Variants in DGKB observed in about 807,000 individuals in gnomAD.
DGKB encodes the protein diacylglycerol kinase beta.
A neutral mutation model predicts 114.3 loss-of-function variants in DGKB; 67 were observed. That is an observed-to-expected ratio of 0.59 (90% CI 0.48 to 0.72). The LOEUF (loss-of-function observed/expected upper bound fraction) is 0.72. Among genes scored for constraint, DGKB ranks in the 30% least tolerant of loss-of-function variants. DGKB has a pLI of 0.00. For synonymous variants in DGKB, 398 were observed against 323.1 expected (o/e 1.23, Z -2.49); for missense variants, 907 against 975.2 (o/e 0.93, Z 0.93).
intron 25 of DGKB, among the ~76,000 whole-genome samples, chr7:14,171,182 T>C (rs1451278141): frequency 1.3e-5 from 2 of 152,124 alleles, no homozygotes; most frequent in Non-Finnish European, 2.9e-5. Context: ...CCAGGGAAGG[T>C]ACAGAAAAAA....
intron 21 of DGKB, among the ~76,000 whole-genome samples, chr7:14,365,996 A>G (rs1411323360): frequency 6.6e-6 from 1 of 152,080 alleles, no homozygotes; most frequent in Non-Finnish European, 1.5e-5. Flanking sequence ...CTAAAATTTC[A>G]GGAGTTTTAC....
chr7:14,761,546 G>A (rs551795310), intron 2 of DGKB, among the ~76,000 whole-genome samples: 4 of 152,290 alleles, frequency 2.6e-5, no homozygotes, highest in African/African-American at 9.6e-5. Context: ...CTGGGGCAGT[G>A]GAGAGGGGAA....
At chr7:14,878,436 A>G (rs541632692) in intron 1 of DGKB, among the ~76,000 whole-genome samples, 2 of 152,264 alleles carry the variant, frequency 1.3e-5, no homozygotes, top group Non-Finnish European at 2.9e-5. Flanking sequence ...CTATAATTTT[A>G]TTTGGGTATT....
At chr7:14,726,003 T>C (rs1829971194) in intron 5 of DGKB, among the ~76,000 whole-genome samples, 1 of 152,202 alleles carries the variant, frequency 6.6e-6, no homozygotes, top group Non-Finnish European at 1.5e-5. Context: ...TTTTCTTCAG[T>C]CTCACAATAG....
intron 2 of DGKB, among the ~76,000 whole-genome samples, chr7:14,799,534 T>G (rs187992490): frequency 6.6e-6 from 1 of 152,334 alleles, no homozygotes; most frequent in Admixed American, 6.5e-5. Context: ...AATGGGATTT[T>G]TAGAGCTCCA....
intron 21 of DGKB, among the ~76,000 whole-genome samples, chr7:14,447,439 C>T (rs1026788096): frequency 6.6e-6 from 1 of 152,018 alleles, no homozygotes; most frequent in Non-Finnish European, 1.5e-5. Context: ...GAATAGGGTA[C>T]ATTAATTTAT....
intron 1 of DGKB, among the ~76,000 whole-genome samples, chr7:14,948,390 A>G (rs983328001): frequency 6.6e-6 from 1 of 151,798 alleles, no homozygotes; most frequent in Non-Finnish European, 1.5e-5. Context: ...AGTGTCATGC[A>G]CTACTGGTTT....
In DGKB at chr7:14,798,211, G is replaced by C. The variant is rs375561403; in HGVS notation, c.71-40480C>G. Among the ~76,000 whole-genome samples the C allele has an allele frequency of 2.4e-4, 37 of 152,330 alleles. No individual in the cohort carries two copies. The East Asian group carries it at 4.6e-3, about 19-fold the overall frequency. ...TCTTGGACTCTATCCGGAACTGTCA[G>C]TTGTGTTTTCAGGATTTAAACTGTC... On this transcript the variant is annotated intron_variant, in intron 2 of 25. Transcript: ENST00000402815.
chr7:14,471,099 A>C (rs1781220464), intron 21 of DGKB, among the ~76,000 whole-genome samples: 1 of 150,460 alleles, frequency 6.6e-6, no homozygotes, highest in Non-Finnish European at 1.5e-5. Flanking sequence ...CTTTGTCTCT[A>C]TAGCAAAATA....
At chr7:14,154,312 T>C (rs919034220) in intron 25 of DGKB, among the ~76,000 whole-genome samples, 2 of 151,612 alleles carry the variant, frequency 1.3e-5, no homozygotes, top group Non-Finnish European at 2.9e-5. Context: ...CAGTTGACAA[T>C]ATTTTTATAG....
At chr7:14,441,172 C>A (rs1398701160) in intron 21 of DGKB, among the ~76,000 whole-genome samples, 4 of 151,996 alleles carry the variant, frequency 2.6e-5, no homozygotes, top group Admixed American at 2.0e-4. Context: ...ACACACCCAG[C>A]TAATTTTTTG....
chr7:14,882,703 T>C (rs978636682), intron 1 of DGKB, among the ~76,000 whole-genome samples: 3 of 152,008 alleles, frequency 2.0e-5, no homozygotes, highest in East Asian at 3.9e-4. Flanking sequence ...TTCCTTTCCA[T>C]GTCTGGCTTG....
intron 2 of DGKB, among the ~76,000 whole-genome samples, chr7:14,768,939 A>G (rs1484070835): frequency 6.6e-6 from 1 of 151,978 alleles, no homozygotes; most frequent in African/African-American, 2.4e-5. Context: ...ATTAAAAAAT[A>G]CCTGTTCAAA....
Position 14,718,620 on chromosome 7 carries a change from G to C in DGKB, c.388C>G (p.Pro130Ala). ...ATGTCCTTCAGATGGATTACTTCTG[G>C]GGAACACGTATTTGCAGGAGAAGTA... ...RTTSPANTCS[P>A]EVIHLKDIVC... Residue 130 changes from proline (P) to alanine (A), a missense_variant, in exon 6 of 26, where the codon CCA (proline) becomes GCA (alanine). By Grantham distance (27) the Pro-to-Ala change is conservative. Transcript: ENST00000402815. 1 of 1,611,586 alleles carries C rather than the reference G, an allele frequency of 6.2e-7. No homozygotes were observed. Among genetic ancestry groups the C allele is most frequent in the Non-Finnish European group, 8.5e-7 (1 of 1,178,056 alleles).
intron 21 of DGKB, among the ~76,000 whole-genome samples, chr7:14,432,927 C>A (rs1828687376): frequency 1.3e-5 from 2 of 152,030 alleles, no homozygotes; most frequent in Non-Finnish European, 2.9e-5. Context: ...GCCTAGAAAC[C>A]TAGGGAAGAA....
chr7:14,904,840 G>C (rs1004425170), upstream of DGKB, among the ~76,000 whole-genome samples: 2 of 151,992 alleles, frequency 1.3e-5, no homozygotes, highest in African/African-American at 4.8e-5. Context: ...TTTTATACTT[G>C]TGTACACTGC....
chr7:14,726,332 GT>G (rs1405177215), intron 5 of DGKB, among the ~76,000 whole-genome samples: 1 of 151,852 alleles, frequency 6.6e-6, no homozygotes, highest in South Asian at 2.1e-4. Context: ...TAGAGACGGG[GT>G]TTTTTTATGT....
chr7:14,577,499 A>C lies in DGKB; in HGVS notation c.1610-3127T>G, dbSNP rs185345851. Among the ~76,000 whole-genome samples the C allele has an allele frequency of 5.9e-3, 891 of 152,078 alleles. 1 individual carries two copies. The highest frequency in any genetic ancestry group is 9.4e-3 in the Non-Finnish European group (639 of 67,968). ...TGGCAAGGTGGCGGGCGCCCGTAGT[A>C]CCAGCTACTCGGGAGGCTGAGGCAG... On this transcript the variant is annotated intron_variant, in intron 19 of 25. Transcript: ENST00000402815.
At chr7:14,463,862 G>C (rs1310735314) in intron 21 of DGKB, among the ~76,000 whole-genome samples, 1 of 152,064 alleles carries the variant, frequency 6.6e-6, no homozygotes, top group Admixed American at 6.6e-5. Context: ...ACATACCCCA[G>C]CCTTTAAGAA....
Sources: gnomAD v4.1 joint callset for allele counts (sites outside exome capture counted in the v4.1 genomes callset) on GRCh38, gnomAD v4.1.1 for gene constraint, MANE v1.5 for transcripts, NCBI Gene and HGNC (gene_info 2026-07-23, HGNC 2026-07-21) for gene names.